VLDLR: variants seen among roughly 807,000 people sequenced by gnomAD.
VLDLR encodes the protein very low density lipoprotein receptor.
VLDLR carries 81 observed loss-of-function variants against 112.7 expected under a neutral mutation model. The ratio of observed to expected loss-of-function variants is 0.72; its 90% confidence interval spans 0.60 to 0.86. The LOEUF is 0.86. Among genes scored for constraint, VLDLR ranks in the 40% least tolerant of loss-of-function variants. The pLI, the probability that VLDLR is intolerant of heterozygous loss-of-function variation, is 0.00. For missense variants in VLDLR, 1,237 were observed against 1,099.4 expected, an observed-to-expected ratio of 1.13 and a Z score of -1.77; for synonymous variants, 436 against 384.8, an observed-to-expected ratio of 1.13 and a Z score of -1.56.
intron 15 of VLDLR, 56 bp from the exon 16 acceptor site, chr9:2,651,359 C>G (rs1263202739): frequency 6.7e-7 from 1 of 1,495,626 alleles, no homozygotes; most frequent in African/African-American, 1.4e-5. Flanking sequence ...CTGGACAAAA[C>G]AGCTAGCCAT....
intron 1 of VLDLR, among the ~76,000 whole-genome samples, chr9:2,625,185 T>A (rs1364216715): frequency 6.6e-6 from 1 of 152,180 alleles, no homozygotes; most frequent in East Asian, 1.9e-4. Flanking sequence ...CATTACAGTT[T>A]TGGAAGAGGA....
Position 2,652,923 on chromosome 9 carries a change from G to A in VLDLR, c.2560G>A (p.Ala854Thr), listed in dbSNP as rs746775866. Reference sequence around the variant, plus strand: ...CTCCATAGACATTGGTAGACACAGTGCTTCTGTTGGACACACGTACCCAGC... The same window carrying A: ...CTCCATAGACATTGGTAGACACAGTACTTCTGTTGGACACACGTACCCAGC... Reference protein sequence around the residue: ...DLSIDIGRHSASVGHTYPAIS... With the variant: ...DLSIDIGRHSTSVGHTYPAIS... Residue 854 changes from alanine to threonine, a missense_variant, in exon 18 of 19, where the codon GCT becomes ACT. Ala to Thr is a moderately conservative substitution (Grantham distance 58). Coordinates refer to ENST00000382100, the MANE Select transcript of VLDLR (RefSeq NM_003383.5). 8 of 1,613,970 alleles carry A rather than the reference G, an allele frequency of 5.0e-6. No individual in the cohort carries two copies. Among genetic ancestry groups the A allele is most frequent in the African/African-American group, 4.0e-5 (3 of 74,898 alleles).
In VLDLR at chr9:2,648,464, T is replaced by A. The variant is rs138612873; in HGVS notation, c.1962+117T>A. ...GCTGAACATGGCTTGAGAAACTGCT[T>A]TCACTTAAAACCTGGTACAAATCAG... is the stretch of plus-strand genomic sequence containing the variant. On this transcript the variant is annotated intron_variant, in intron 13 of 18. Transcript: ENST00000382100. 1.5e-4 allele frequency: 239 copies of A among 1,549,050 alleles called. 1 individual carries two copies. Among genetic ancestry groups the A allele is most frequent in the Non-Finnish European group, 1.9e-4 (214 of 1,124,284 alleles).
chr9:2,641,304 C>T (rs1817809886), intron 3 of VLDLR, 73 bp from the exon 4 acceptor site: 1 of 1,609,776 alleles, frequency 6.2e-7, no homozygotes, highest in Admixed American at 1.7e-5. Context: ...ATTAGCGCTT[C>T]CAGGCAGCAC....
rs778597964 is a variant in VLDLR, at chr9:2,635,538, A to T, written c.168A>T (p.Glu56Asp). Reference protein sequence around the residue: ...ITLLWKCDGDEDCVDGSDEKN... With the variant: ...ITLLWKCDGDDDCVDGSDEKN... ...TGTTGTGGAAATGTGATGGGGATGA[A>T]GACTGTGTTGACGGCAGTGATGAAA... Residue 56 changes from glutamate to aspartate, a missense_variant, in exon 2 of 19, where the codon GAA (glutamate) becomes GAT (aspartate). Glu to Asp is a conservative substitution (Grantham distance 45). Coordinates refer to ENST00000382100, the MANE Select transcript of VLDLR (RefSeq NM_003383.5). The T allele has an allele frequency of 1.2e-6, 2 of 1,614,166 alleles. No individual in the cohort carries two copies. The highest frequency in any genetic ancestry group is 3.3e-5 in the Admixed American group (2 of 60,016).
chr9:2,641,358 G>A lies in VLDLR; in HGVS notation c.326-19G>A. The A allele has an allele frequency of 1.2e-6, 2 of 1,613,962 alleles. No individual in the cohort carries two copies. Among genetic ancestry groups the A allele is most frequent in the South Asian group, 2.2e-5 (2 of 91,062 alleles). ...TTGATCAGTTCTGAGGCTCTTTTGA[G>A]ACTGTATATCATCAACAGATATGAG... is the stretch of plus-strand genomic sequence containing the variant. On this transcript the variant is annotated intron_variant, in intron 3 of 18. Transcript: ENST00000382100.
chr9:2,650,304 G>C, intron 14 of VLDLR, 66 bp from the exon 15 acceptor site: 1 of 1,604,648 alleles, frequency 6.2e-7, no homozygotes, highest in Non-Finnish European at 8.5e-7. Context: ...TCAACATGTA[G>C]AACAAGGCTT....
intron 1 of VLDLR, among the ~76,000 whole-genome samples, chr9:2,622,968 G>A (rs1816899154): frequency 6.6e-6 from 1 of 152,216 alleles, no homozygotes; most frequent in South Asian, 2.1e-4. Context: ...CGCCTCGGGC[G>A]GCGTTTGGAA....
At chr9:2,633,334 C>G (rs1332358493) in intron 1 of VLDLR, among the ~76,000 whole-genome samples, 1 of 152,048 alleles carries the variant, frequency 6.6e-6, no homozygotes, top group Non-Finnish European at 1.5e-5. Flanking sequence ...TTCAGAGACC[C>G]TCTTTAAGGC....
chr9:2,634,614 A>C (rs1817518506), intron 1 of VLDLR, among the ~76,000 whole-genome samples: 1 of 152,190 alleles, frequency 6.6e-6, no homozygotes, highest in African/African-American at 2.4e-5. Flanking sequence ...TCCATACATT[A>C]AGCATAGAAA....
chr9:2,633,532 A>G (rs1817462117), intron 1 of VLDLR, among the ~76,000 whole-genome samples: 1 of 152,120 alleles, frequency 6.6e-6, no homozygotes, highest in South Asian at 2.1e-4. Context: ...ATCTGATTAC[A>G]AGGTTTCCAT....
rs559762755 is a variant in VLDLR, at chr9:2,643,141, G to A, written c.449-19G>A. 6.2e-7 allele frequency: 1 copy of A among 1,605,854 alleles called. No individual in the cohort carries two copies. The highest frequency in any genetic ancestry group is 1.1e-5 in the South Asian group (1 of 90,984). On this transcript the variant is annotated intron_variant, in intron 4 of 18. Transcript: ENST00000382100. ...CCAATCTTGATGCATTTTCAGTGGG[G>A]CATCCTCTCTCTTAATAGGCAATAT...
At chr9:2,652,003 G>C in intron 17 of VLDLR, 49 bp downstream of exon 17, 1 of 1,586,464 alleles carries the variant, frequency 6.3e-7, no homozygotes, top group Non-Finnish European at 8.6e-7. Context: ...TTAGATACCA[G>C]ATGAAGATTT....
Position 2,645,723 on chromosome 9 carries a change from C to G in VLDLR, c.1462C>G (p.Leu488Val). ...TGCCCAGAAACTATTCTGGGCCGAT[C>G]TAAGCCAAAAGGCTATCTTCAGGTA... The part of the protein sequence containing the change: ...IAAQKLFWAD[L>V]SQKAIFSASI... Residue 488 changes from leucine to valine, a missense_variant, in exon 10 of 19, where the codon CTA (leucine) becomes GTA (valine). By Grantham distance (32) the Leu-to-Val change is conservative. Transcript: ENST00000382100. 2 of 1,614,194 alleles carry G rather than the reference C, an allele frequency of 1.2e-6. No homozygotes were observed. The highest frequency in any genetic ancestry group is 1.3e-5 in the African/African-American group (1 of 75,058).
At chr9:2,652,327 T>TA (rs1469572371) in intron 17 of VLDLR, among the ~76,000 whole-genome samples, 12 of 152,224 alleles carry the variant, frequency 7.9e-5, no homozygotes, top group Non-Finnish European at 1.5e-5. Context: ...TGCTAAGAGT[T>TA]ACAGGACTTG....
chr9:2,656,916 C>G lies in VLDLR; in HGVS notation c.*3048C>G, dbSNP rs1818630642. 1 of 139,802 alleles carries G rather than the reference C, an allele frequency of 7.2e-6. No homozygotes were observed. The highest frequency in any genetic ancestry group is 2.7e-5 in the African/African-American group (1 of 36,884). The allele number at this position is 139,802 out of a possible 1,614,324, so 8.7% of individuals were successfully genotyped here. On this transcript the variant is annotated 3_prime_UTR_variant, in exon 19 of 19. Coordinates refer to ENST00000382100, the MANE Select transcript of VLDLR (RefSeq NM_003383.5). ...TGTTTTAAAGCCTAGGTATCGCTGC[C>G]TCTTTAGTTCTTGATGAATACAAGG...
chr9:2,622,956 C>G (rs1360452499), intron 1 of VLDLR, among the ~76,000 whole-genome samples: 1 of 152,052 alleles, frequency 6.6e-6, no homozygotes, highest in East Asian at 1.9e-4. Flanking sequence ...CTCCCTTTTC[C>G]CCGCCTCGGG....
Position 2,658,408 on chromosome 9 carries a change from T to C in VLDLR, c.*4540T>C, listed in dbSNP as rs1335569608. On this transcript the variant is annotated 3_prime_UTR_variant, in exon 19 of 19. Coordinates refer to ENST00000382100, the MANE Select transcript of VLDLR (RefSeq NM_003383.5). ...TGTAAAAATCTCAATGCAAAAACAC[T>C]GAGACAGGAGTGAGACCAGCTGCGG... 3 of 152,190 alleles carry C rather than the reference T, an allele frequency of 2.0e-5. No homozygotes were observed. Among genetic ancestry groups the C allele is most frequent in the African/African-American group, 4.8e-5 (2 of 41,430 alleles). The allele number at this position is 152,190 out of a possible 1,614,324, so 9.4% of individuals were successfully genotyped here. A position where few individuals can be genotyped will look rare whatever the true frequency, so the allele number is the denominator to read the frequency against.
intron 15 of VLDLR, 152 bp downstream of exon 15, chr9:2,650,668 T>G: frequency 8.3e-7 from 1 of 1,202,826 alleles, no homozygotes; most frequent in South Asian, 1.3e-5. Flanking sequence ...TCATGTCATT[T>G]CTTTAGAACT....
Sources: gnomAD v4.1 joint callset for allele counts (sites outside exome capture counted in the v4.1 genomes callset) on GRCh38, gnomAD v4.1.1 for gene constraint, MANE v1.5 for transcripts, NCBI Gene and HGNC (gene_info 2026-07-23, HGNC 2026-07-21) for gene names.